The following SFSWAP variants were observed in gnomAD, a reference collection of about 807,000 sequenced individuals.
SFSWAP encodes the protein splicing factor, suppressor of white-apricot homolog.
Under a neutral mutation model 100.7 loss-of-function variants are expected in SFSWAP, and 17 were observed. The ratio of observed to expected loss-of-function variants is 0.17; its 90% CI spans 0.12 to 0.25. The LOEUF (loss-of-function observed/expected upper bound fraction) is 0.25. SFSWAP is among the 10% of genes least tolerant of loss of function. The pLI is 1.00. For missense variants in SFSWAP, 1,005 were observed against 1,262.6 expected (o/e 0.80, Z 3.09); for synonymous variants, 504 against 510.1 (o/e 0.99, Z 0.16).
chr12:131,768,983 C>T (rs778786459), intron 13 of SFSWAP, among the ~76,000 whole-genome samples: 3 of 152,150 alleles, frequency 2.0e-5, no homozygotes, highest in Non-Finnish European at 2.9e-5. Context: ...AAAAATTAGC[C>T]GAGCGTGGTG....
At chr12:131,788,922 G>A (rs114560821) in intron 15 of SFSWAP, among the ~76,000 whole-genome samples, 2,429 of 152,264 alleles carry the variant, frequency 0.016, 67 homozygotes, top group African/African-American at 0.052. Context: ...TGCTGTGACA[G>A]CACCAGACCA....
At chr12:131,739,493 GA>G (rs1251763410) in intron 7 of SFSWAP, among the ~76,000 whole-genome samples, 8 of 144,540 alleles carry the variant, frequency 5.5e-5, no homozygotes, top group Non-Finnish European at 1.1e-4. Flanking sequence ...TTTATATTAT[GA>G]GAGTTTATAA....
At chr12:131,747,588 C>G (rs1159850267) in intron 7 of SFSWAP, among the ~76,000 whole-genome samples, 1 of 152,148 alleles carries the variant, frequency 6.6e-6, no homozygotes, top group Non-Finnish European at 1.5e-5. Context: ...AAACCCGGGG[C>G]AGGCAGCAGC....
chr12:131,798,176 C>T (rs774140757), intron 16 of SFSWAP, among the ~76,000 whole-genome samples: 2 of 152,034 alleles, frequency 1.3e-5, no homozygotes, highest in Non-Finnish European at 2.9e-5. Context: ...AGGTGGCACG[C>T]GTCTGTAATC....
Position 131,730,710 on chromosome 12 carries a change from T to G in SFSWAP, c.1081+2282T>G, listed in dbSNP as rs1367863906. On this transcript the variant is annotated intron_variant, in intron 7 of 17. Transcript: ENST00000261674. This position sits in a 1 kb window ranked among gnomAD's most constrained non-coding sequence, Gnocchi z 4.0. ...ACCACTGATAAGCCGTGACAGCCTC[T>G]GCAGGAACCCTAAGCTTACTCTGTT... is the stretch of plus-strand genomic sequence containing the variant. 2.0e-5 allele frequency among the ~76,000 whole-genome samples: 3 copies of G among 152,090 alleles called. No individual in the cohort carries two copies. The highest frequency in any genetic ancestry group is 4.4e-5 in the Non-Finnish European group (3 of 68,000).
At chr12:131,765,485 C>A (rs1371909648) in intron 12 of SFSWAP, among the ~76,000 whole-genome samples, 1 of 152,040 alleles carries the variant, frequency 6.6e-6, no homozygotes, top group Non-Finnish European at 1.5e-5. Context: ...CCCATCTCTA[C>A]TGAAAAAACA....
At chr12:131,789,971 G>A (rs992088782) in intron 15 of SFSWAP, among the ~76,000 whole-genome samples, 8 of 152,148 alleles carry the variant, frequency 5.3e-5, no homozygotes, top group African/African-American at 1.4e-4. Flanking sequence ...GAAGCAGCGC[G>A]GCTCTCCTGC....
intron 7 of SFSWAP, among the ~76,000 whole-genome samples, chr12:131,740,123 G>T (rs561802654): frequency 6.6e-6 from 1 of 152,272 alleles, no homozygotes; most frequent in South Asian, 2.1e-4. Flanking sequence ...CCTTTCCACT[G>T]CAGGGTGGCC....
chr12:131,784,754 C>T (rs1481332114), intron 14 of SFSWAP: 2 of 207,212 alleles, frequency 9.7e-6, no homozygotes, highest in Non-Finnish European at 1.9e-5. Flanking sequence ...AGAGAATTGT[C>T]TAATGGTATG....
intron 15 of SFSWAP, among the ~76,000 whole-genome samples, chr12:131,790,193 C>G (rs1469955043): frequency 6.6e-6 from 1 of 152,156 alleles, no homozygotes; most frequent in East Asian, 1.9e-4. Flanking sequence ...TAATCCATTG[C>G]TATTATTATT....
intron 7 of SFSWAP, among the ~76,000 whole-genome samples, chr12:131,731,882 A>G: frequency 7.7e-6 from 1 of 130,202 alleles, no homozygotes; most frequent in Admixed American, 7.7e-5. Flanking sequence ...GATGTTTTTG[A>G]GTATGCATTA....
chr12:131,718,122 A>C (rs1340834610), intron 3 of SFSWAP, among the ~76,000 whole-genome samples: 1 of 152,216 alleles, frequency 6.6e-6, no homozygotes, highest in East Asian at 1.9e-4. Context: ...AAATAACTGT[A>C]ACTTAATAGG....
chr12:131,745,438 TTC>T (rs776833266), intron 7 of SFSWAP, among the ~76,000 whole-genome samples: 1 of 152,200 alleles, frequency 6.6e-6, no homozygotes, highest in Non-Finnish European at 1.5e-5. Flanking sequence ...CCGCCCTGAT[TTC>T]TCTCATTCAC....
chr12:131,719,135 C>T (rs764470706), intron 3 of SFSWAP, among the ~76,000 whole-genome samples: 43 of 152,112 alleles, frequency 2.8e-4, no homozygotes, highest in Admixed American at 9.8e-4. Flanking sequence ...AATTCGAGCA[C>T]GTGTGGATAT....
chr12:131,764,271 G>A (rs1412975543), intron 11 of SFSWAP, among the ~76,000 whole-genome samples, 185 bp from the exon 12 acceptor site: 3 of 152,114 alleles, frequency 2.0e-5, no homozygotes, highest in African/African-American at 7.2e-5. Flanking sequence ...CCAGCCCCAC[G>A]CCATGCAGTG....
intron 15 of SFSWAP, among the ~76,000 whole-genome samples, chr12:131,790,761 T>C (rs1210352577): frequency 6.6e-6 from 1 of 152,246 alleles, no homozygotes; most frequent in East Asian, 1.9e-4. Context: ...AACTGTTTGT[T>C]GAGTGAGTGA....
chr12:131,759,545 A>G (rs2136231553), intron 11 of SFSWAP, among the ~76,000 whole-genome samples: 1 of 152,222 alleles, frequency 6.6e-6, no homozygotes, highest in East Asian at 1.9e-4. Flanking sequence ...CACGCTTGTA[A>G]TCCCAGCACT....
chr12:131,753,387 C>T (rs1033378981), intron 8 of SFSWAP, 24 bp downstream of exon 8: 4 of 1,598,358 alleles, frequency 2.5e-6, no homozygotes, highest in Non-Finnish European at 3.4e-6. Flanking sequence ...CCACCGCTGC[C>T]TGCTGTGTGA....
At chr12:131,799,237 A>T in intron 17 of SFSWAP, 128 bp downstream of exon 17, 6 of 1,016,868 alleles carry the variant, frequency 5.9e-6, no homozygotes, top group South Asian at 4.0e-5. Context: ...GCAAAATACC[A>T]CAGGCTCTGG....
Sources: allele counts gnomAD v4.1 joint callset (sites outside exome capture counted in the v4.1 genomes callset), GRCh38; gene constraint gnomAD v4.1.1; non-coding constraint Gnocchi (gnomAD v3.1); transcripts MANE v1.5; gene names NCBI Gene and HGNC (gene_info 2026-07-23, HGNC 2026-07-21).